The following ZNF670 variants were observed in gnomAD, a reference collection of about 807,000 sequenced individuals.
ZNF670 encodes zinc finger protein 670.
Under a neutral mutation model 10.9 loss-of-function variants are expected in ZNF670, and 7 were observed. That is an observed-to-expected ratio of 0.64 (90% CI 0.36 to 1.20). ZNF670 has a LOEUF of 1.20. Among genes scored for constraint, ZNF670 ranks in the 50% most tolerant of loss-of-function variants. The pLI, the probability that ZNF670 is intolerant of heterozygous loss-of-function variation, is 0.02. For synonymous variants in ZNF670, 136 were observed against 152.7 expected (o/e 0.89, Z 0.81); for missense variants, 446 against 458.6 (o/e 0.97, Z 0.25).
At chr1:247,039,185 A>G (rs1278735078) in intron 2 of ZNF670, among the ~76,000 whole-genome samples, 2 of 151,058 alleles carry the variant, frequency 1.3e-5, no homozygotes, top group African/African-American at 2.4e-5. Flanking sequence ...CAGGCTCCCA[A>G]GTAGCTGGGA....
rs571732028 is a variant in ZNF670, at chr1:247,035,788, G to A, written c.*1661C>T. ...CCAACAATACACTGGAAAATTGAAC[G>A]TTATCAATATGGGTTGAGTGTTTCT... On this transcript the variant is annotated 3_prime_UTR_variant, in exon 4 of 4. Transcript: ENST00000366503. Among the ~76,000 whole-genome samples the A allele has an allele frequency of 2.6e-5, 4 of 152,276 alleles. No homozygotes were observed. Among genetic ancestry groups the A allele is most frequent in the Non-Finnish European group, 4.4e-5 (3 of 68,020 alleles).
Position 247,072,387 on chromosome 1 carries a change from T to G in ZNF670, c.3+6207A>C, listed in dbSNP as rs1371345028. 2.0e-5 allele frequency among the ~76,000 whole-genome samples: 3 copies of G among 150,212 alleles called. No homozygotes were observed. In the South Asian group the frequency reaches 6.4e-4, roughly 32 times the overall value. ...CCAGGCTGGTCTCAAACTTCTGAAC[T>G]CAAGTGATCCGCCCACATCAGCCTC... On this transcript the variant is annotated intron_variant, in intron 1 of 3. Coordinates refer to ENST00000366503, the MANE Select transcript of ZNF670 (RefSeq NM_033213.5).
chr1:247,068,169 T>C (rs556954463), intron 1 of ZNF670, among the ~76,000 whole-genome samples: 32 of 150,012 alleles, frequency 2.1e-4, no homozygotes, highest in Non-Finnish European at 2.4e-4. Flanking sequence ...GATACAAAAA[T>C]TGGCCAGGTG....
chr1:247,037,919 A>G lies in ZNF670; in HGVS notation c.700T>C (p.Phe234Leu), dbSNP rs1384636631. ...TGGCGAAGAGAACTGGAAAAAGTGA[A>G]TGATTTACCACATTTCTTACATGCA... The part of the protein sequence containing the change: ...PYACKKCGKS[F>L]TFSSSLRQHE... Residue 234 changes from phenylalanine (F) to leucine (L), a missense_variant, in exon 4 of 4, where the codon TTC becomes CTC. By Grantham distance (22) the Phe-to-Leu change is conservative (BLOSUM62 0). Transcript: ENST00000366503. The G allele has an allele frequency of 1.2e-6, 2 of 1,614,050 alleles. No individual in the cohort carries two copies. The highest frequency in any genetic ancestry group is 8.5e-7 in the Non-Finnish European group (1 of 1,179,982).
In ZNF670 at chr1:247,073,219, A is replaced by G. The variant is rs150935716; in HGVS notation, c.3+5375T>C. On this transcript the variant is annotated intron_variant, in intron 1 of 3. Transcript: ENST00000366503. ...CACTCATTTTTCAACCAAGAAAATC[A>G]AAATCTCACATTCAAATCATGGAAT... Among the ~76,000 whole-genome samples, 4 of 152,194 alleles carry G rather than the reference A, an allele frequency of 2.6e-5. No individual in the cohort carries two copies. The South Asian group carries it at 8.3e-4, about 31-fold the overall frequency.
chr1:247,051,220 C>G (rs1313261109), intron 1 of ZNF670, among the ~76,000 whole-genome samples: 1 of 151,068 alleles, frequency 6.6e-6, no homozygotes, highest in Non-Finnish European at 1.5e-5. Flanking sequence ...AGGCAGGAGA[C>G]TCCAGCCTGG....
At chr1:247,060,498 T>C (rs568618669) in intron 1 of ZNF670, among the ~76,000 whole-genome samples, 1 of 152,318 alleles carries the variant, frequency 6.6e-6, no homozygotes, top group Non-Finnish European at 1.5e-5. Flanking sequence ...ACAGAAAATT[T>C]AGAACTTCTG....
intron 1 of ZNF670, among the ~76,000 whole-genome samples, chr1:247,051,558 T>C (rs1326424826): frequency 1.3e-5 from 2 of 152,172 alleles, no homozygotes; most frequent in African/African-American, 2.4e-5. Context: ...TCTTTCCTTC[T>C]TAATTTTAGA....
intron 1 of ZNF670, among the ~76,000 whole-genome samples, chr1:247,072,804 G>GTATATATATATATATATATATA (rs74163726): frequency 2.7e-4 from 13 of 47,634 alleles, no homozygotes; most frequent in East Asian, 1.5e-3. Context: ...AAAAGTGTGT[G>GTATATATATATATATATATATA]TATATATATA....
At chr1:247,051,792 TTTTTTTG>T (rs1022640583) in intron 1 of ZNF670, among the ~76,000 whole-genome samples, 3 of 151,534 alleles carry the variant, frequency 2.0e-5, no homozygotes, top group African/African-American at 7.3e-5. Context: ...ATTTTTTTTT[TTTTTTTG>T]TTTTGTTGCA....
At position 247,037,655 on chromosome 1, in the gene ZNF670, T is replaced by C. The variant is rs750743937; in HGVS notation, c.964A>G (p.Ser322Gly). ...KQCGKAFKYS[S>G]NLCEHERTHT... ...GTTCTTTCATGCTCACATAGGTTAC[T>C]AGAATATTTGAAGGCTTTACCACAT... Residue 322 changes from serine (S) to glycine (G), a missense_variant, in exon 4 of 4, where the codon AGT becomes GGT. Coordinates refer to ENST00000366503, the MANE Select transcript of ZNF670 (RefSeq NM_033213.5). 1.2e-6 allele frequency: 2 copies of C among 1,613,932 alleles called. No homozygotes were observed. Among genetic ancestry groups the C allele is most frequent in the Non-Finnish European group, 1.7e-6 (2 of 1,179,978 alleles).
At chr1:247,070,265 A>T (rs1490878270) in intron 1 of ZNF670, among the ~76,000 whole-genome samples, 3 of 152,084 alleles carry the variant, frequency 2.0e-5, no homozygotes, top group Non-Finnish European at 4.4e-5. Context: ...AGGTCAGGAG[A>T]TCAAGACCAT....
chr1:247,038,704 A>G lies in ZNF670; in HGVS notation c.191+106T>C, dbSNP rs917989691. On this transcript the variant is annotated intron_variant, in intron 3 of 3. Coordinates refer to ENST00000366503, the MANE Select transcript of ZNF670 (RefSeq NM_033213.5). The stretch of plus-strand genomic sequence containing the variant: ...GTATTTTTTGCTAAGACTTTTCTGG[A>G]AAAAAAAAATTTCTAGTGGTTCTTA... 8.8e-6 allele frequency: 8 copies of G among 913,630 alleles called. No individual in the cohort carries two copies. The South Asian group carries it at 1.5e-4, about 17-fold the overall frequency. 56.6% of individuals were successfully genotyped at this position (913,630 alleles called of 1,614,324 possible).
At chr1:247,069,635 T>TAC (rs1165518193) in intron 1 of ZNF670, among the ~76,000 whole-genome samples, 2 of 151,942 alleles carry the variant, frequency 1.3e-5, no homozygotes, top group East Asian at 3.8e-4. Context: ...AAAATGTACA[T>TAC]ACACACAGTG....
chr1:247,047,746 A>G (rs946476898), intron 1 of ZNF670, among the ~76,000 whole-genome samples: 29 of 152,198 alleles, frequency 1.9e-4, no homozygotes, highest in African/African-American at 5.8e-4. Flanking sequence ...CACAGGCCCA[A>G]CACCAAGTAA....
chr1:247,058,531 G>A (rs1271865783), intron 1 of ZNF670, among the ~76,000 whole-genome samples: 4 of 151,944 alleles, frequency 2.6e-5, no homozygotes, highest in African/African-American at 9.7e-5. Flanking sequence ...AAAACATCAG[G>A]AAAGCTGCAA....
chr1:247,046,246 G>C lies in ZNF670; in HGVS notation c.4-6709C>G, dbSNP rs1041358955. 9.2e-5 allele frequency among the ~76,000 whole-genome samples: 14 copies of C among 152,350 alleles called. No individual in the cohort carries two copies. In the East Asian group the frequency reaches 2.7e-3, roughly 29 times the overall value. ...GAGTTGCACAACTAAAGGGGAGCCAGGTGCCAACAGCCATGAGGCTAAGAA... is the reference window on the plus strand; with the variant it reads ...GAGTTGCACAACTAAAGGGGAGCCACGTGCCAACAGCCATGAGGCTAAGAA... On this transcript the variant is annotated intron_variant, in intron 1 of 3. Transcript: ENST00000366503.
intron 1 of ZNF670, among the ~76,000 whole-genome samples, chr1:247,075,449 G>T (rs1185241287): frequency 6.6e-6 from 1 of 152,160 alleles, no homozygotes; most frequent in African/African-American, 2.4e-5. Flanking sequence ...GTAACATTTT[G>T]ATATAGTTTG....
At chr1:247,059,946 T>C (rs552921780) in intron 1 of ZNF670, among the ~76,000 whole-genome samples, 4 of 152,204 alleles carry the variant, frequency 2.6e-5, no homozygotes, top group African/African-American at 9.6e-5. Context: ...ATGACAAAAC[T>C]ATGCAAAACT....
Sources: allele counts gnomAD v4.1 joint callset (sites outside exome capture counted in the v4.1 genomes callset), GRCh38; gene constraint gnomAD v4.1.1; transcripts MANE v1.5; gene names NCBI Gene and HGNC (gene_info 2026-07-23, HGNC 2026-07-21).